The following ERC2 variants were observed in gnomAD, a reference collection of about 807,000 sequenced individuals.
The protein encoded by ERC2 is ELKS/RAB6-interacting/CAST family member 2.
ERC2 carries 42 observed loss-of-function variants against 114.8 expected under a neutral mutation model. The observed-to-expected ratio is 0.37, with a 90% CI of 0.29 to 0.47. The LOEUF (loss-of-function observed/expected upper bound fraction) is 0.47. Ranked by LOEUF, ERC2 falls within the 20% of genes least tolerant of loss-of-function variation. ERC2 has a pLI of 0.99. For synonymous variants in ERC2, 454 were observed against 425.5 expected, an observed-to-expected ratio of 1.07 and a Z score of -0.82; for missense variants, 939 against 1,150.7, an observed-to-expected ratio of 0.82 and a Z score of 2.66.
intron 6 of ERC2, among the ~76,000 whole-genome samples, chr3:56,116,497 C>A (rs1051444966): frequency 2.6e-5 from 4 of 152,188 alleles, no homozygotes; most frequent in Non-Finnish European, 4.4e-5. Context: ...GGTGTATGTG[C>A]ATTGGGACAC....
At chr3:56,064,836 T>C (rs1334741921) in intron 7 of ERC2, among the ~76,000 whole-genome samples, 1 of 152,270 alleles carries the variant, frequency 6.6e-6, no homozygotes, top group African/African-American at 2.4e-5. Context: ...TGCCTGTTTT[T>C]GTAAATAAAG....
chr3:56,116,103 T>C (rs929855860), intron 6 of ERC2, among the ~76,000 whole-genome samples: 6 of 152,238 alleles, frequency 3.9e-5, no homozygotes, highest in African/African-American at 1.4e-4. Flanking sequence ...TATGGTCCCA[T>C]GTGGCAGGGT....
intron 6 of ERC2, among the ~76,000 whole-genome samples, chr3:56,085,210 A>T (rs1416500904): frequency 6.6e-6 from 1 of 152,232 alleles, no homozygotes; most frequent in Non-Finnish European, 1.5e-5. Flanking sequence ...CTCCTTGCCA[A>T]GAAAGGGGTA....
At chr3:55,533,686 A>C (rs1379176547) in intron 17 of ERC2, among the ~76,000 whole-genome samples, 1 of 152,148 alleles carries the variant, frequency 6.6e-6, no homozygotes, top group Non-Finnish European at 1.5e-5. Flanking sequence ...TCAGGATGCC[A>C]GCAAACCAAA....
intron 2 of ERC2, among the ~76,000 whole-genome samples, chr3:56,323,859 A>G (rs886221790): frequency 3.9e-5 from 6 of 152,186 alleles, no homozygotes; most frequent in African/African-American, 1.4e-4. Flanking sequence ...CAGGGTTCAC[A>G]TGTCACCTCC....
Position 56,305,512 on chromosome 3 carries a change from C to CCACACACACACA in ERC2, c.658-9089_658-9078dup, listed in dbSNP as rs58751787. On this transcript the variant is annotated intron_variant, in intron 2 of 17. Transcript: ENST00000288221. ...AGCATTTTATACCCCACTCTCTTAT[C>CCACACACACACA]CACACACACACACACACACACACAC... is the stretch of plus-strand genomic sequence containing the variant. Among the ~76,000 whole-genome samples, 308 of 144,422 alleles carry CCACACACACACA rather than the reference C, an allele frequency of 2.1e-3. 1 individual carries two copies. The highest frequency in any genetic ancestry group is 6.7e-3 in the African/African-American group (261 of 38,702). The allele number at this position is 144,422 out of a possible 152,430, so 94.7% of individuals were successfully genotyped here. A position where few individuals can be genotyped will look rare whatever the true frequency, so the allele number is the denominator to read the frequency against.
chr3:56,142,748 A>G (rs999789516), intron 5 of ERC2, among the ~76,000 whole-genome samples: 2 of 150,718 alleles, frequency 1.3e-5, no homozygotes, highest in Non-Finnish European at 3.0e-5. Flanking sequence ...TGATTCTGCT[A>G]TTTATTCTTT....
chr3:55,519,851 C>G (rs777773504), intron 17 of ERC2, among the ~76,000 whole-genome samples: 1 of 151,872 alleles, frequency 6.6e-6, no homozygotes, highest in Non-Finnish European at 1.5e-5. Context: ...GGAAACATGA[C>G]GAAACCAGCC....
intron 17 of ERC2, among the ~76,000 whole-genome samples, chr3:55,560,741 C>A (rs1267013479): frequency 6.6e-6 from 1 of 152,152 alleles, no homozygotes; most frequent in African/African-American, 2.4e-5. Flanking sequence ...GTTTTGGGGG[C>A]ATTTGTTATA....
At chr3:56,285,328 G>A (rs377161447) in intron 3 of ERC2, among the ~76,000 whole-genome samples, 8 of 151,946 alleles carry the variant, frequency 5.3e-5, no homozygotes, top group African/African-American at 1.9e-4. Flanking sequence ...AATGTCTGGA[G>A]ACTGTTTTGT....
intron 3 of ERC2, among the ~76,000 whole-genome samples, chr3:56,261,536 C>T (rs2052929761): frequency 1.3e-5 from 2 of 152,146 alleles, no homozygotes. Context: ...ACTCACTCTC[C>T]TCTGGACTCA....
chr3:55,674,309 G>A (rs1398621451), intron 17 of ERC2, among the ~76,000 whole-genome samples: 2 of 152,232 alleles, frequency 1.3e-5, no homozygotes, highest in East Asian at 3.9e-4. Flanking sequence ...CAACCACTCT[G>A]CGCCAAAGAT....
At chr3:55,713,209 T>TA (rs1190036875) in intron 15 of ERC2, among the ~76,000 whole-genome samples, 4 of 150,786 alleles carry the variant, frequency 2.7e-5, no homozygotes, top group Admixed American at 1.3e-4. Context: ...TTTTCCTTAT[T>TA]AAAAAAAAAT....
At chr3:55,938,141 C>A (rs984959857) in intron 13 of ERC2, among the ~76,000 whole-genome samples, 1 of 149,912 alleles carries the variant, frequency 6.7e-6, no homozygotes, top group Non-Finnish European at 1.5e-5. Flanking sequence ...AGCAAGAACC[C>A]AGCCTCGAAA....
At chr3:56,317,044 G>A (rs935347557) in intron 2 of ERC2, among the ~76,000 whole-genome samples, 11 of 152,328 alleles carry the variant, frequency 7.2e-5, no homozygotes, top group South Asian at 2.1e-4. Flanking sequence ...ATGAGACATC[G>A]TCCTTGGCCT....
chr3:56,426,752 C>T (rs2061584775), intron 2 of ERC2, among the ~76,000 whole-genome samples: 1 of 152,210 alleles, frequency 6.6e-6, no homozygotes, highest in Non-Finnish European at 1.5e-5. Context: ...AAGTTGTAGC[C>T]AACCTGCAGA....
At chr3:56,107,059 G>T (rs2078702190) in intron 6 of ERC2, among the ~76,000 whole-genome samples, 1 of 152,034 alleles carries the variant, frequency 6.6e-6, no homozygotes, top group African/African-American at 2.4e-5. Flanking sequence ...AAGATGGGAG[G>T]ATATGAACGA....
chr3:56,179,337 T>G (rs1239098565), intron 3 of ERC2, among the ~76,000 whole-genome samples: 1 of 151,956 alleles, frequency 6.6e-6, no homozygotes, highest in African/African-American at 2.4e-5. Flanking sequence ...AGCTCCACAT[T>G]TGGAGTTTGT....
intron 1 of ERC2, among the ~76,000 whole-genome samples, chr3:56,444,407 C>T (rs2062466069): frequency 6.6e-6 from 1 of 152,144 alleles, no homozygotes; most frequent in Non-Finnish European, 1.5e-5. Context: ...ATTAGTTGCG[C>T]AACACCCTTC....
Sources: gnomAD v4.1 joint callset for allele counts (sites outside exome capture counted in the v4.1 genomes callset) on GRCh38, gnomAD v4.1.1 for gene constraint, MANE v1.5 for transcripts, NCBI Gene and HGNC (gene_info 2026-07-23, HGNC 2026-07-21) for gene names.